The following YWHAQ variants were observed in gnomAD, a reference collection of about 807,000 sequenced individuals.
YWHAQ encodes tyrosine 3-monooxygenase/tryptophan 5-monooxygenase activation protein theta, also known as 14-3-3 protein theta.
In YWHAQ, 6 loss-of-function variants were observed where a neutral mutation model predicts 28.3. The ratio of observed to expected loss-of-function variants is 0.21; its 90% CI spans 0.12 to 0.42. The LOEUF (loss-of-function observed/expected upper bound fraction) is 0.42. Among genes scored for constraint, YWHAQ ranks in the 10% least tolerant of loss-of-function variants. The probability of loss-of-function intolerance (pLI) is 1.00; values close to 1 mark genes in which losing one functional copy is unlikely to be tolerated. For missense variants in YWHAQ, 201 were observed against 305.6 expected (o/e 0.66, Z 2.55); for synonymous variants, 143 against 119.1 (o/e 1.20, Z -1.31).
At chr2:9,596,745 C>T (rs6432023) in intron 2 of YWHAQ, among the ~76,000 whole-genome samples, 89,912 of 151,812 alleles carry the variant, frequency 0.59, 28,948 homozygotes, top group African/African-American at 0.82. Flanking sequence ...TCTGCCAACC[C>T]AGACTGAAGC....
At chr2:9,624,323 G>A (rs1013044511) in intron 2 of YWHAQ, among the ~76,000 whole-genome samples, 18 of 152,158 alleles carry the variant, frequency 1.2e-4, no homozygotes, top group African/African-American at 3.9e-4. Context: ...TCAGTAAGGT[G>A]AACTGTAGAG....
chr2:9,623,709 T>C (rs778132796), intron 2 of YWHAQ, among the ~76,000 whole-genome samples: 3 of 151,984 alleles, frequency 2.0e-5, no homozygotes, highest in Non-Finnish European at 4.4e-5. Flanking sequence ...GAGGCAGAGG[T>C]TGAGGTGAAC....
chr2:9,605,515 G>A (rs1377276952), intron 2 of YWHAQ, among the ~76,000 whole-genome samples: 1 of 152,072 alleles, frequency 6.6e-6, no homozygotes, highest in African/African-American at 2.4e-5. Flanking sequence ...CTTGTCCCCT[G>A]CCCAAGGCAG....
At chr2:9,619,592 A>G (rs189055938) in intron 2 of YWHAQ, among the ~76,000 whole-genome samples, 1 of 152,254 alleles carries the variant, frequency 6.6e-6, no homozygotes, top group Admixed American at 6.5e-5. Context: ...TACATGTAAA[A>G]AAATTAAAAA....
chr2:9,630,424 G>C lies in YWHAQ; in HGVS notation c.29C>G (p.Ala10Gly), dbSNP rs776134213. ...GCGCTCGGCCTGCTCGGCCAGCTTG[G>C]CCTTCTGGATCAGCTCAGTCTTCTC... MEKTELIQK[A>G]KLAEQAERYD... Residue 10 changes from alanine to glycine, a missense_variant, in exon 2 of 6, where the codon GCC (alanine) becomes GGC (glycine). This residue lies in a region of YWHAQ where 162 missense variants were observed against 213.9 expected (regional missense o/e 0.76). Transcript: ENST00000238081. The surrounding 1 kb of genome is among the most constrained non-coding windows in gnomAD (Gnocchi z 5.6). The C allele has an allele frequency of 1.2e-6, 2 of 1,611,998 alleles. No homozygotes were observed. The highest frequency in any genetic ancestry group is 1.7e-6 in the Non-Finnish European group (2 of 1,179,896).
intron 2 of YWHAQ, among the ~76,000 whole-genome samples, chr2:9,605,748 AG>A (rs1254383333): frequency 1.4e-5 from 2 of 147,374 alleles, no homozygotes; most frequent in Admixed American, 6.8e-5. Flanking sequence ...TTTTTGGTAG[AG>A]GGGGGTTTTC....
At position 9,630,618 on chromosome 2, in the gene YWHAQ, T is replaced by C. The variant is rs1399041909; in HGVS notation, c.-82-84A>G. 1 of 627,508 alleles carries C rather than the reference T, an allele frequency of 1.6e-6. No individual in the cohort carries two copies. Among genetic ancestry groups the C allele is most frequent in the East Asian group, 3.2e-5 (1 of 31,158 alleles). 38.9% of individuals were successfully genotyped at this position (627,508 alleles called of 1,614,324 possible). A position where few individuals can be genotyped will look rare whatever the true frequency, so the allele number is the denominator to read the frequency against. ...CAATGCGGCCCGCCGCCCGCTTTTG[T>C]CTCCCGCACACGCGGCCGCTTGAAT... On this transcript the variant is annotated intron_variant, in intron 1 of 5. Transcript: ENST00000238081. This position sits in a 1 kb window ranked among gnomAD's most constrained non-coding sequence, Gnocchi z 5.6.
chr2:9,601,993 G>A (rs540835293), intron 2 of YWHAQ, among the ~76,000 whole-genome samples: 1 of 152,084 alleles, frequency 6.6e-6, no homozygotes, highest in Non-Finnish European at 1.5e-5. Context: ...TATATCAAAT[G>A]AACAGATACT....
intron 2 of YWHAQ, among the ~76,000 whole-genome samples, chr2:9,596,489 G>A (rs138958664): frequency 1.3e-5 from 2 of 152,134 alleles, no homozygotes; most frequent in East Asian, 1.9e-4. Context: ...TAAAATACAC[G>A]CAAAATAACA....
chr2:9,603,267 T>G (rs188817425), intron 2 of YWHAQ, among the ~76,000 whole-genome samples: 6 of 122,882 alleles, frequency 4.9e-5, no homozygotes, highest in Admixed American at 4.6e-4. Flanking sequence ...AATTCTCCCT[T>G]GAATTTTTTT....
In YWHAQ at chr2:9,624,798, G is replaced by A. The variant is rs1377001015; in HGVS notation, c.294+5361C>T. ...GTTTCGCTCTGTCGCCTAGGCTGGA[G>A]TGCAATGGCACAATCTCGCCTCACT... On this transcript the variant is annotated intron_variant, in intron 2 of 5. Coordinates refer to ENST00000238081, the MANE Select transcript of YWHAQ (RefSeq NM_006826.4). Among the ~76,000 whole-genome samples, 4 of 151,512 alleles carry A rather than the reference G, an allele frequency of 2.6e-5. No homozygotes were observed. The East Asian group carries it at 5.9e-4, about 22-fold the overall frequency.
chr2:9,600,151 G>A (rs1666659982), intron 2 of YWHAQ, among the ~76,000 whole-genome samples: 1 of 152,222 alleles, frequency 6.6e-6, no homozygotes, highest in Non-Finnish European at 1.5e-5. Context: ...CTGAAGATGT[G>A]ACTGAATTGC....
intron 2 of YWHAQ, among the ~76,000 whole-genome samples, chr2:9,629,647 G>A (rs1181728123): frequency 2.6e-5 from 4 of 152,158 alleles, no homozygotes; most frequent in African/African-American, 4.8e-5. Flanking sequence ...TGTTTATGGG[G>A]GGTGGGGGGG....
chr2:9,630,458 G>GCA lies in YWHAQ; in HGVS notation c.-7_-6insTG. The GCA allele has an allele frequency of 6.3e-7, 1 of 1,591,346 alleles. No homozygotes were observed. The highest frequency in any genetic ancestry group is 8.5e-7 in the Non-Finnish European group (1 of 1,170,704). On this transcript the variant is annotated 5_prime_UTR_variant, in exon 2 of 6. Transcript: ENST00000238081. The surrounding 1 kb of genome is among the most constrained non-coding windows in gnomAD (Gnocchi z 5.6). The stretch of plus-strand genomic sequence containing the variant: ...ATCAGCTCAGTCTTCTCCATGGCGG[G>GCA]CGCGGGGCCGGGGCCGGGGCGGAGG...
chr2:9,591,487 T>A lies in YWHAQ; in HGVS notation c.323A>T (p.Asn108Ile). Residue 108 changes from asparagine (N) to isoleucine (I), a missense_variant, in exon 3 of 6, where the codon AAT (asparagine) becomes ATT (isoleucine). By Grantham distance (149) the Asn-to-Ile change is moderately radical. This residue lies in a region of YWHAQ where 162 missense variants were observed against 213.9 expected (regional missense o/e 0.76). Transcript: ENST00000238081. The stretch of plus-strand genomic sequence containing the variant: ...GACCTTACTCTCTGGATTAGTTGCA[T>A]TGGCTATTAAATATTTATCCAACAA... Reference protein sequence around the residue: ...LELLDKYLIANATNPESKVFY... With the variant: ...LELLDKYLIAIATNPESKVFY... The A allele has an allele frequency of 6.2e-7, 1 of 1,611,376 alleles. No individual in the cohort carries two copies. Among genetic ancestry groups the A allele is most frequent in the Non-Finnish European group, 8.5e-7 (1 of 1,177,980 alleles).
chr2:9,585,493 CCA>C (rs1307669813), intron 5 of YWHAQ, 148 bp from the exon 6 acceptor site: 1 of 859,434 alleles, frequency 1.2e-6, no homozygotes. Context: ...TCTCAAAACC[CCA>C]AAGACCATCA....
At chr2:9,610,930 C>T (rs1458780215) in intron 2 of YWHAQ, among the ~76,000 whole-genome samples, 2 of 152,144 alleles carry the variant, frequency 1.3e-5, no homozygotes, top group Non-Finnish European at 2.9e-5. Context: ...CTAGGAGTCA[C>T]CCTACTCTTT....
intron 2 of YWHAQ, among the ~76,000 whole-genome samples, chr2:9,592,508 A>G (rs1338398648): frequency 6.6e-6 from 1 of 151,982 alleles, no homozygotes; most frequent in Non-Finnish European, 1.5e-5. Flanking sequence ...GGCAGATAAC[A>G]AGGTCAGGAG....
chr2:9,612,197 T>C (rs1267089927), intron 2 of YWHAQ, among the ~76,000 whole-genome samples: 2 of 152,238 alleles, frequency 1.3e-5, no homozygotes, highest in South Asian at 2.1e-4. Context: ...AACTGTATCA[T>C]TTCACCTCAA....
Sources: allele counts gnomAD v4.1 joint callset (sites outside exome capture counted in the v4.1 genomes callset), GRCh38; gene constraint gnomAD v4.1.1; regional missense constraint gnomAD v4.1.1; non-coding constraint Gnocchi (gnomAD v3.1); transcripts MANE v1.5; gene names NCBI Gene and HGNC (gene_info 2026-07-23, HGNC 2026-07-21).